Variants in NDE1 observed in about 807,000 individuals in gnomAD.
The protein encoded by NDE1 is nuclear distribution protein nudE homolog 1.
In NDE1, 28 loss-of-function variants were observed where a neutral mutation model predicts 43.4. That is an observed-to-expected ratio of 0.65 (90% CI 0.48 to 0.89). NDE1 has a LOEUF of 0.89. Among genes scored for constraint, NDE1 ranks in the 40% least tolerant of loss-of-function variants. The pLI, the probability that NDE1 is intolerant of heterozygous loss-of-function variation, is 0.00. For missense variants in NDE1, 441 were observed against 434.1 expected (o/e 1.02, Z -0.14); for synonymous variants, 184 against 172.0 (o/e 1.07, Z -0.55).
At chr16:15,690,353 CTTT>C (rs869069843) in intron 5 of NDE1, among the ~76,000 whole-genome samples, 323 of 80,910 alleles carry the variant, frequency 4.0e-3, no homozygotes, top group African/African-American at 0.016. Context: ...TTTTTTTTTT[CTTT>C]TTTTTTTTTT....
chr16:15,713,651 C>G (rs1410662243), intron 8 of NDE1: 1 of 152,252 alleles, frequency 6.6e-6, no homozygotes. Context: ...TTGCGCCATC[C>G]CACCTGGCTG....
At chr16:15,685,547 G>T (rs905487444) in intron 4 of NDE1, among the ~76,000 whole-genome samples, 9 of 152,104 alleles carry the variant, frequency 5.9e-5, no homozygotes, top group Non-Finnish European at 1.3e-4. Context: ...CACTGTGCTT[G>T]TCCCTTTGTT....
At chr16:15,690,930 C>T (rs1437873195) in intron 5 of NDE1, among the ~76,000 whole-genome samples, 1 of 152,138 alleles carries the variant, frequency 6.6e-6, no homozygotes, top group Non-Finnish European at 1.5e-5. Flanking sequence ...GCCTCATCCT[C>T]CTGAGTAGCT....
At chr16:15,661,961 T>A (rs1481492858) in intron 1 of NDE1, among the ~76,000 whole-genome samples, 14 of 152,064 alleles carry the variant, frequency 9.2e-5, no homozygotes, top group Non-Finnish European at 1.0e-4. Flanking sequence ...TTAGACAAGG[T>A]CTCACTCTCT....
chr16:15,686,942 C>A, intron 4 of NDE1: 1 of 980,214 alleles, frequency 1.0e-6, no homozygotes, highest in East Asian at 1.1e-4. Context: ...GGTCTTCCAC[C>A]TGCCTCGGCC....
At chr16:15,694,899 C>G (rs903787337) in intron 7 of NDE1, 1 of 985,134 alleles carries the variant, frequency 1.0e-6, no homozygotes, top group Non-Finnish European at 1.2e-6. Context: ...CTCTTTTGGC[C>G]GGGTGCTCAT....
chr16:15,654,186 G>A (rs769716151), intron 1 of NDE1, among the ~76,000 whole-genome samples: 6 of 152,128 alleles, frequency 3.9e-5, no homozygotes, highest in African/African-American at 9.7e-5. Context: ...TATTAAGAAC[G>A]CAGGTTAGTG....
At chr16:15,664,975 C>T (rs1441476539) in intron 2 of NDE1, 114 bp downstream of exon 2, 13 of 780,894 alleles carry the variant, frequency 1.7e-5, no homozygotes, top group African/African-American at 5.2e-5. Context: ...AGTGCACAGC[C>T]GCCTTAAACT....
chr16:15,665,935 T>C (rs1056449214), intron 2 of NDE1, among the ~76,000 whole-genome samples: 1 of 152,062 alleles, frequency 6.6e-6, no homozygotes, highest in African/African-American at 2.4e-5. Flanking sequence ...TTTGTATTTT[T>C]AGTAGAGACG....
chr16:15,710,200 C>T (rs2039701048), intron 8 of NDE1, among the ~76,000 whole-genome samples: 4 of 152,150 alleles, frequency 2.6e-5, no homozygotes, highest in Admixed American at 2.6e-4. Context: ...GGGGCAGAAC[C>T]CACAGGAGGT....
At chr16:15,710,913 G>A (rs1226562085) in intron 8 of NDE1, among the ~76,000 whole-genome samples, 1 of 152,090 alleles carries the variant, frequency 6.6e-6, no homozygotes, top group East Asian at 1.9e-4. Flanking sequence ...CCTGACCTCA[G>A]GTGATCAGCC....
At chr16:15,665,083 G>A (rs1240593558) in intron 2 of NDE1, among the ~76,000 whole-genome samples, 11 of 151,706 alleles carry the variant, frequency 7.3e-5, no homozygotes, top group Non-Finnish European at 1.6e-4. Context: ...GCGGAAACAG[G>A]GGTCTCGCTA....
chr16:15,660,207 G>A (rs1202492321), intron 1 of NDE1, among the ~76,000 whole-genome samples: 1 of 152,072 alleles, frequency 6.6e-6, no homozygotes, highest in Non-Finnish European at 1.5e-5. Context: ...GCTGGGTGTG[G>A]TGGCTCACAC....
intron 8 of NDE1, chr16:15,712,895 T>TTTTTTTTTTTTTA (rs1567680276): frequency 6.7e-6 from 1 of 148,746 alleles, no homozygotes; most frequent in African/African-American, 2.5e-5. Context: ...TTTTTTTTTT[T>TTTTTTTTTTTTTA]GAGACCGAGT....
intron 7 of NDE1, chr16:15,694,842 G>GT (rs1391587709): frequency 2.0e-6 from 2 of 985,190 alleles, no homozygotes; most frequent in Non-Finnish European, 2.4e-6. Flanking sequence ...TGATATGTGT[G>GT]TTTTTTCCTT....
At chr16:15,690,356 T>TTA (rs1216831741) in intron 5 of NDE1, among the ~76,000 whole-genome samples, 1 of 81,362 alleles carries the variant, frequency 1.2e-5, no homozygotes, top group Non-Finnish European at 2.1e-5. Flanking sequence ...TTTTTTTCTT[T>TTA]TTTTTTTTTT....
chr16:15,651,168 CT>C (rs1159529830), intron 1 of NDE1, among the ~76,000 whole-genome samples: 1 of 152,184 alleles, frequency 6.6e-6, no homozygotes, highest in African/African-American at 2.4e-5. Context: ...TCCTTGATTG[CT>C]TTGTCCGTGG....
chr16:15,676,786 C>T (rs8053141), intron 3 of NDE1, among the ~76,000 whole-genome samples: 106,857 of 152,018 alleles, frequency 0.7, 38,070 homozygotes, highest in African/African-American at 0.84. Context: ...ACCTCAGCCT[C>T]GCGAGTAGCT....
intron 8 of NDE1, among the ~76,000 whole-genome samples, chr16:15,706,969 C>T (rs1222014120): frequency 2.6e-5 from 4 of 152,180 alleles, no homozygotes; most frequent in Non-Finnish European, 5.9e-5. Flanking sequence ...CCAAGGTTGA[C>T]ACCAACTATA....
Sources: allele counts gnomAD v4.1 joint callset (sites outside exome capture counted in the v4.1 genomes callset), GRCh38; gene constraint gnomAD v4.1.1; transcripts MANE v1.5; gene names NCBI Gene and HGNC (gene_info 2026-07-23, HGNC 2026-07-21).